RAF1: variants seen among roughly 807,000 people sequenced by gnomAD.
RAF1 encodes RAF proto-oncogene serine/threonine-protein kinase.
In RAF1, 27 loss-of-function variants were observed where a neutral mutation model predicts 81.1. The ratio of observed to expected loss-of-function variants is 0.33; its 90% CI spans 0.25 to 0.46. RAF1 has a LOEUF of 0.46. Ranked by LOEUF, RAF1 falls within the 20% of genes least tolerant of loss-of-function variation. The pLI, the probability that RAF1 is intolerant of heterozygous loss-of-function variation, is 1.00. For synonymous variants in RAF1, 298 were observed against 294.0 expected, an observed-to-expected ratio of 1.01 and a Z score of -0.14; for missense variants, 598 against 826.0, an observed-to-expected ratio of 0.72 and a Z score of 3.38.
intron 14 of RAF1, among the ~76,000 whole-genome samples, chr3:12,586,419 AG>A (rs1467622798): frequency 4.6e-5 from 7 of 152,222 alleles, no homozygotes; most frequent in African/African-American, 1.7e-4. Flanking sequence ...AAATTAAAAA[AG>A]AACAAAAAAT....
At chr3:12,624,376 A>G (rs1213391796) in intron 1 of RAF1, among the ~76,000 whole-genome samples, 1 of 152,202 alleles carries the variant, frequency 6.6e-6, no homozygotes. Flanking sequence ...AGGAGGAAAA[A>G]GCATCTTCTA....
At chr3:12,611,843 T>C (rs2059219334) in intron 3 of RAF1, 107 bp downstream of exon 3, 4 of 836,834 alleles carry the variant, frequency 4.8e-6, no homozygotes, top group Admixed American at 1.8e-5. Flanking sequence ...GGTATAGAAA[T>C]ATACAATATT....
intron 1 of RAF1, among the ~76,000 whole-genome samples, chr3:12,660,579 G>GC (rs1346506834): frequency 6.6e-6 from 1 of 152,136 alleles, no homozygotes; most frequent in African/African-American, 2.4e-5. Context: ...CTCCCAAAGT[G>GC]CTGGGCTTAC....
In RAF1 at chr3:12,584,663, A is replaced by ACAAAG. The variant is rs727503382; in HGVS notation, c.1864-11_1864-7dup. ...AGCTCAATGGAAGACAGGATCTGAA[A>ACAAAG]CAAAGCCCAAGAATGCTCTCATTAG... On this transcript the variant is annotated splice_region_variant and splice_polypyrimidine_tract_variant and intron_variant, in intron 17 of 17. Transcript: ENST00000442415. The ACAAAG allele has an allele frequency of 2.2e-5, 36 of 1,614,022 alleles. No individual in the cohort carries two copies. The highest frequency in any genetic ancestry group is 2.8e-5 in the Non-Finnish European group (33 of 1,180,014).
At chr3:12,617,889 A>AG (rs1202137189) in intron 2 of RAF1, among the ~76,000 whole-genome samples, 2 of 147,218 alleles carry the variant, frequency 1.4e-5, no homozygotes, top group East Asian at 3.9e-4. Context: ...AAAAAAAAAA[A>AG]AAAGAAAAGA....
intron 11 of RAF1, among the ~76,000 whole-genome samples, chr3:12,594,798 T>C (rs2058634136): frequency 6.6e-6 from 1 of 152,196 alleles, no homozygotes. Flanking sequence ...ATTAAGTCAC[T>C]GATGGGAAGA....
chr3:12,655,953 T>C (rs1170154692), intron 1 of RAF1, among the ~76,000 whole-genome samples: 1 of 151,694 alleles, frequency 6.6e-6, no homozygotes, highest in East Asian at 1.9e-4. Flanking sequence ...TAATGAGTAC[T>C]GTTTCTGTTT....
intron 3 of RAF1, among the ~76,000 whole-genome samples, chr3:12,611,132 G>C (rs1257420205): frequency 6.6e-6 from 1 of 152,004 alleles, no homozygotes; most frequent in Non-Finnish European, 1.5e-5. Context: ...AAAAATCTTT[G>C]TCTCAAAAAA....
chr3:12,629,885 CAA>C (rs1233182825), intron 1 of RAF1, among the ~76,000 whole-genome samples: 1 of 152,192 alleles, frequency 6.6e-6, no homozygotes, highest in African/African-American at 2.4e-5. Context: ...CACGTTCAAG[CAA>C]TCCTCCTGCC....
At chr3:12,621,304 C>A (rs1575605484) in intron 1 of RAF1, among the ~76,000 whole-genome samples, 1 of 152,192 alleles carries the variant, frequency 6.6e-6, no homozygotes, top group African/African-American at 2.4e-5. Context: ...ATAACACTAA[C>A]ACTCAAATCA....
At position 12,600,181 on chromosome 3, in the gene RAF1, C is replaced by T. The variant is rs1156424799; in HGVS notation, c.1021G>A (p.Val341Ile). The stretch of plus-strand genomic sequence containing the variant: ...TTGTTTTTCTCCTGGGTCCCAGATA[C>T]TGGTGCCCGCTCTCTTTGTGCTGGC... The change falls in exon 10 of 18, where the codon GTA becomes ATA. Residue 341 changes from valine (V) to isoleucine (I), a missense_variant. By Grantham distance (29) the Val-to-Ile change is conservative (BLOSUM62 3). Transcript: ENST00000442415. 6.2e-7 allele frequency: 1 copy of T among 1,614,166 alleles called. No individual in the cohort carries two copies.
intron 1 of RAF1, among the ~76,000 whole-genome samples, chr3:12,649,075 T>C (rs1433390668): frequency 6.6e-6 from 1 of 151,690 alleles, no homozygotes; most frequent in Non-Finnish European, 1.5e-5. Flanking sequence ...GATCACGCCA[T>C]TGCACTCCAG....
intron 1 of RAF1, among the ~76,000 whole-genome samples, chr3:12,659,427 C>CAA (rs71063859): frequency 6.5e-4 from 31 of 47,680 alleles, no homozygotes; most frequent in South Asian, 1.4e-3. Flanking sequence ...GATTTCATCT[C>CAA]AAAAAAAAAA....
chr3:12,612,864 C>A (rs931775774), intron 2 of RAF1, among the ~76,000 whole-genome samples: 13 of 152,208 alleles, frequency 8.5e-5, no homozygotes, highest in African/African-American at 3.1e-4. Context: ...AGGAAATAAG[C>A]CAATCTGATC....
intron 1 of RAF1, among the ~76,000 whole-genome samples, chr3:12,655,438 G>C (rs2060661848): frequency 6.6e-6 from 1 of 152,232 alleles, no homozygotes; most frequent in Admixed American, 6.5e-5. Context: ...TGTTGGAAAA[G>C]ATGTGGCAAA....
chr3:12,611,654 C>G (rs1439166124), intron 3 of RAF1, among the ~76,000 whole-genome samples: 1 of 152,168 alleles, frequency 6.6e-6, no homozygotes, highest in East Asian at 1.9e-4. Context: ...GAGCCGAGAT[C>G]GCGCCACTGC....
chr3:12,617,872 C>T (rs1256578188), intron 2 of RAF1, among the ~76,000 whole-genome samples: 2 of 127,634 alleles, frequency 1.6e-5, no homozygotes, highest in Non-Finnish European at 3.2e-5. Flanking sequence ...GAGTGAGAAT[C>T]CGTCTCAAAA....
chr3:12,624,898 A>AAC (rs1180625405), intron 1 of RAF1, among the ~76,000 whole-genome samples: 154 of 135,470 alleles, frequency 1.1e-3, no homozygotes, highest in African/African-American at 4.9e-3. Context: ...AAAAAAAAAA[A>AAC]AAAACAAAAA....
chr3:12,603,582 A>G (rs1174550426), intron 7 of RAF1: 1 of 688,954 alleles, frequency 1.5e-6, no homozygotes, highest in South Asian at 1.5e-5. Flanking sequence ...AGAACAAAGG[A>G]AGTATTTAAG....
Sources: gnomAD v4.1 joint callset for allele counts (sites outside exome capture counted in the v4.1 genomes callset) on GRCh38, gnomAD v4.1.1 for gene constraint, MANE v1.5 for transcripts, NCBI Gene and HGNC (gene_info 2026-07-23, HGNC 2026-07-21) for gene names.